The following SYT6 variants were observed in gnomAD, a reference collection of about 807,000 sequenced individuals.
SYT6 encodes synaptotagmin 6.
SYT6 carries 24 observed loss-of-function variants against 38.4 expected under a neutral mutation model. The ratio of observed to expected loss-of-function variants is 0.62; its 90% CI spans 0.45 to 0.88. SYT6 has a LOEUF of 0.88. Ranked by LOEUF, SYT6 falls within the 40% of genes least tolerant of loss-of-function variation. SYT6 has a pLI of 0.00. For synonymous variants in SYT6, 265 were observed against 241.9 expected, an observed-to-expected ratio of 1.10 and a Z score of -0.89; for missense variants, 611 against 621.0, an observed-to-expected ratio of 0.98 and a Z score of 0.17.
At chr1:114,138,720 T>A (rs538215065) in intron 2 of SYT6, among the ~76,000 whole-genome samples, 2 of 152,358 alleles carry the variant, frequency 1.3e-5, no homozygotes, top group South Asian at 4.1e-4. Flanking sequence ...GCAATATATG[T>A]GTTAGCTCTC....
In SYT6 at chr1:114,137,736, C is replaced by T. The variant is rs1678573189; in HGVS notation, c.830G>A (p.Arg277His). The change falls in exon 3 of 8, where the codon CGC (arginine) becomes CAC (histidine). Residue 277 changes from arginine to histidine, a missense_variant. Transcript: ENST00000610222. ...CACCCGGGTCTGCAGCTTGCATTTG[C>T]GGTCAGGCAGGAGGTAGATCTTGAC... ...PYVKIYLLPD[R>H]KCKLQTRVHR... 3.7e-6 allele frequency: 6 copies of T among 1,614,106 alleles called. No homozygotes were observed. Among genetic ancestry groups the T allele is most frequent in the Middle Eastern group, 1.6e-4 (1 of 6,062 alleles).
At chr1:114,132,690 G>A (rs72990737) in intron 3 of SYT6, among the ~76,000 whole-genome samples, 3,055 of 152,304 alleles carry the variant, frequency 0.02, 114 homozygotes, top group African/African-American at 0.07. Context: ...GACTGAAGGG[G>A]AAGGTCAGGC....
At chr1:114,151,691 G>A (rs536314838) in intron 1 of SYT6, among the ~76,000 whole-genome samples, 3 of 152,334 alleles carry the variant, frequency 2.0e-5, no homozygotes, top group South Asian at 4.1e-4. Flanking sequence ...AGGCTCCACT[G>A]GAGATGGATC....
In SYT6 at chr1:114,090,383, T is replaced by C. The variant is rs531610948; in HGVS notation, c.*1751A>G. ...AGGGTGGAGTTTAGGTTTATCTACATTTACTTTTCTAAGCAGAAAATTCCT... is the reference window on the plus strand; with the variant it reads ...AGGGTGGAGTTTAGGTTTATCTACACTTACTTTTCTAAGCAGAAAATTCCT... On this transcript the variant is annotated 3_prime_UTR_variant, in exon 8 of 8. Coordinates refer to ENST00000610222, the MANE Select transcript of SYT6 (RefSeq NM_001253772.2). 6.6e-6 allele frequency: 1 copy of C among 152,496 alleles called. No homozygotes were observed. Among genetic ancestry groups the C allele is most frequent in the African/African-American group, 2.4e-5 (1 of 41,596 alleles). The allele number at this position is 152,496 out of a possible 1,614,324, so 9.4% of individuals were successfully genotyped here.
intron 1 of SYT6, 25 bp downstream of exon 1, chr1:114,153,585 G>C: frequency 1.7e-6 from 1 of 583,428 alleles, no homozygotes; most frequent in South Asian, 2.1e-5. Context: ...TCCAGGAAGG[G>C]AGGGGGCCCT....
chr1:114,121,514 T>C (rs1327471381), intron 3 of SYT6, among the ~76,000 whole-genome samples: 1 of 152,164 alleles, frequency 6.6e-6, no homozygotes, highest in Non-Finnish European at 1.5e-5. Flanking sequence ...CTCATCGAAA[T>C]GGGAGTTGCA....
intron 3 of SYT6, among the ~76,000 whole-genome samples, chr1:114,112,335 G>A (rs903278804): frequency 2.0e-5 from 3 of 152,184 alleles, no homozygotes; most frequent in East Asian, 3.9e-4. Context: ...GCACATCAGC[G>A]GGAAGCAAAT....
At chr1:114,129,635 T>TTC (rs1173066418) in intron 3 of SYT6, among the ~76,000 whole-genome samples, 12 of 140,994 alleles carry the variant, frequency 8.5e-5, no homozygotes, top group African/African-American at 2.6e-4. Flanking sequence ...CTTTCTTTCT[T>TTC]TCTTTCTCTT....
At chr1:114,097,665 G>A in intron 6 of SYT6, 62 bp downstream of exon 6, 1 of 1,583,506 alleles carries the variant, frequency 6.3e-7, no homozygotes. Flanking sequence ...GCAGCTGACT[G>A]CCATTCTCCA....
At chr1:114,113,477 G>T (rs1044296373) in intron 3 of SYT6, among the ~76,000 whole-genome samples, 2 of 152,224 alleles carry the variant, frequency 1.3e-5, no homozygotes, top group East Asian at 3.9e-4. Flanking sequence ...TGGCCATGTG[G>T]CTGGAAATCT....
intron 1 of SYT6, among the ~76,000 whole-genome samples, chr1:114,148,592 G>A (rs1214896644): frequency 6.6e-6 from 1 of 152,192 alleles, no homozygotes; most frequent in Non-Finnish European, 1.5e-5. Flanking sequence ...AGAGGCCCAG[G>A]AGCTTGGAAG....
intron 3 of SYT6, among the ~76,000 whole-genome samples, chr1:114,121,716 T>G (rs1044069476): frequency 2.0e-5 from 3 of 152,222 alleles, no homozygotes; most frequent in African/African-American, 7.2e-5. Flanking sequence ...CTGTGTGACT[T>G]CAAGGAATTG....
chr1:114,134,410 C>A (rs1678357508), intron 3 of SYT6, among the ~76,000 whole-genome samples: 1 of 152,172 alleles, frequency 6.6e-6, no homozygotes, highest in Admixed American at 6.5e-5. Context: ...AGCCACTGGT[C>A]ATTTAACAAG....
At chr1:114,096,463 T>A (rs1042671306) in intron 6 of SYT6, among the ~76,000 whole-genome samples, 2 of 152,232 alleles carry the variant, frequency 1.3e-5, no homozygotes, top group African/African-American at 4.8e-5. Context: ...GAGCACATGC[T>A]GCCTGTCTAG....
chr1:114,153,009 C>A (rs1393573836), intron 1 of SYT6: 1 of 151,586 alleles, frequency 6.6e-6, no homozygotes, highest in Non-Finnish European at 1.5e-5. Flanking sequence ...CCTCCCCCAC[C>A]CCGCCCCCTG....
chr1:114,142,042 A>T (rs142218106), intron 1 of SYT6, among the ~76,000 whole-genome samples: 2 of 152,354 alleles, frequency 1.3e-5, no homozygotes, highest in East Asian at 3.9e-4. Context: ...GTACAAGGAG[A>T]TAAATGTTGT....
intron 3 of SYT6, among the ~76,000 whole-genome samples, chr1:114,120,895 GT>G (rs1366237141): frequency 6.6e-6 from 1 of 152,208 alleles, no homozygotes; most frequent in East Asian, 1.9e-4. Flanking sequence ...GACACCCAGG[GT>G]TGTGTGGCTT....
At position 114,092,086 on chromosome 1, in the gene SYT6, C is replaced by A. The variant is rs1675338488; in HGVS notation, c.*52-4G>T. On this transcript the variant is annotated splice_region_variant and splice_polypyrimidine_tract_variant and intron_variant, in intron 7 of 7. Transcript: ENST00000610222. ...AGCTAGCAGCTCGGCCCTGCCACTG[C>A]AAAGAGGAGAACAATCTGTTTATTA... 3 of 1,536,142 alleles carry A rather than the reference C, an allele frequency of 2.0e-6. No individual in the cohort carries two copies. The highest frequency in any genetic ancestry group is 2.6e-6 in the Non-Finnish European group (3 of 1,146,842).
intron 2 of SYT6, among the ~76,000 whole-genome samples, chr1:114,138,944 G>T (rs1214194184): frequency 6.6e-6 from 1 of 152,190 alleles, no homozygotes; most frequent in Non-Finnish European, 1.5e-5. Flanking sequence ...TCCCCTGAGG[G>T]CCTGGAGAGC....
Sources: allele counts gnomAD v4.1 joint callset (sites outside exome capture counted in the v4.1 genomes callset), GRCh38; gene constraint gnomAD v4.1.1; transcripts MANE v1.5; gene names NCBI Gene and HGNC (gene_info 2026-07-23, HGNC 2026-07-21).